MECOM: variants seen among roughly 807,000 people sequenced by gnomAD.
MECOM encodes MDS1 and EVI1 complex locus, also known as histone-lysine N-methyltransferase MECOM.
A neutral mutation model predicts 116.3 loss-of-function variants in MECOM; 13 were observed. That is an observed-to-expected ratio of 0.11 (90% CI 0.07 to 0.18). MECOM has a LOEUF of 0.18. MECOM is among the 10% of genes least tolerant of loss of function. The pLI is 1.00. For synonymous variants in MECOM, 528 were observed against 535.2 expected (o/e 0.99, Z 0.19); for missense variants, 1,299 against 1,509.0 (o/e 0.86, Z 2.31).
intron 1 of MECOM, among the ~76,000 whole-genome samples, chr3:169,513,303 T>C (rs1560377050): frequency 1.3e-5 from 2 of 152,242 alleles, no homozygotes; most frequent in Non-Finnish European, 2.9e-5. Context: ...CAGATGAATC[T>C]GCCCATCAAG....
intron 1 of MECOM, among the ~76,000 whole-genome samples, chr3:169,635,387 TAC>T (rs1266765081): frequency 6.6e-6 from 1 of 152,178 alleles, no homozygotes; most frequent in Admixed American, 6.5e-5. Context: ...CCGAGGTAAA[TAC>T]ACACACCCTG....
chr3:169,316,300 A>G (rs1719732598), intron 2 of MECOM, among the ~76,000 whole-genome samples: 1 of 152,246 alleles, frequency 6.6e-6, no homozygotes, highest in Admixed American at 6.5e-5. Flanking sequence ...CATCTTGTTA[A>G]AAGGTGGTGG....
chr3:169,433,469 AG>A (rs1314472454), intron 1 of MECOM, among the ~76,000 whole-genome samples: 1 of 151,982 alleles, frequency 6.6e-6, no homozygotes. Flanking sequence ...ACTCGAAAGA[AG>A]GAAAGAAAAG....
At chr3:169,453,870 G>A (rs979367399) in intron 1 of MECOM, among the ~76,000 whole-genome samples, 2 of 152,090 alleles carry the variant, frequency 1.3e-5, no homozygotes, top group African/African-American at 2.4e-5. Context: ...TAAAAAGCAT[G>A]CTTGTGGCAA....
intron 7 of MECOM, among the ~76,000 whole-genome samples, chr3:169,120,621 T>C (rs1730711217): frequency 6.6e-6 from 1 of 152,210 alleles, no homozygotes; most frequent in Non-Finnish European, 1.5e-5. Flanking sequence ...CACAGAGCCG[T>C]AAGCCTACTT....
Position 169,131,296 on chromosome 3 carries a change from GA to G in MECOM, c.613+132del, listed in dbSNP as rs1734605699. 4 of 762,438 alleles carry G rather than the reference GA, an allele frequency of 5.2e-6. No homozygotes were observed. In the South Asian group the frequency reaches 6.8e-5, roughly 13 times the overall value. The allele number at this position is 762,438 out of a possible 1,614,324, so 47.2% of individuals were successfully genotyped here. Reference sequence around the variant, plus strand: ...CAAACCAAGAAAATAGCTGCTTCAAGAGAAGGAACTTGTTGAAACTGACATT... The same window carrying G: ...CAAACCAAGAAAATAGCTGCTTCAAGGAAGGAACTTGTTGAAACTGACATT... On this transcript the variant is annotated intron_variant, in intron 4 of 16. Coordinates refer to ENST00000651503, the MANE Select transcript of MECOM (RefSeq NM_004991.4).
At chr3:169,209,862 C>A (rs1750481396) in intron 2 of MECOM, among the ~76,000 whole-genome samples, 1 of 152,032 alleles carries the variant, frequency 6.6e-6, no homozygotes, top group African/African-American at 2.4e-5. Flanking sequence ...GGATTTATAC[C>A]CAAAGAATAT....
intron 1 of MECOM, among the ~76,000 whole-genome samples, chr3:169,624,408 C>A (rs116555730): frequency 0.014 from 2,118 of 152,236 alleles, 41 homozygotes; most frequent in African/African-American, 0.049. Flanking sequence ...TATTGTGCAG[C>A]CTTCTAGAAT....
chr3:169,186,354 AAGG>A (rs1195848197), intron 2 of MECOM, among the ~76,000 whole-genome samples: 3 of 46,974 alleles, frequency 6.4e-5, no homozygotes, highest in African/African-American at 3.4e-4. Flanking sequence ...GGAAGGAAGG[AAGG>A]AAGGAAGGAA....
At chr3:169,109,146 C>T (rs1726460854) in intron 9 of MECOM, among the ~76,000 whole-genome samples, 1 of 152,194 alleles carries the variant, frequency 6.6e-6, no homozygotes, top group Non-Finnish European at 1.5e-5. Flanking sequence ...ACAGTAATAA[C>T]ATTCCCTGCA....
intron 1 of MECOM, among the ~76,000 whole-genome samples, chr3:169,502,164 T>G (rs763761694): frequency 1.3e-5 from 2 of 152,150 alleles, no homozygotes; most frequent in Non-Finnish European, 2.9e-5. Context: ...CACCTGTTAC[T>G]CACAGAACAT....
At chr3:169,451,562 A>G (rs973586176) in intron 1 of MECOM, among the ~76,000 whole-genome samples, 4 of 152,182 alleles carry the variant, frequency 2.6e-5, no homozygotes, top group Non-Finnish European at 4.4e-5. Context: ...TCAACTGTGG[A>G]AAAATGTCCC....
intron 1 of MECOM, among the ~76,000 whole-genome samples, chr3:169,532,594 C>T (rs546451497): frequency 5.3e-5 from 8 of 152,318 alleles, no homozygotes; most frequent in African/African-American, 1.9e-4. Flanking sequence ...CTTCTGGGAA[C>T]ATGCTGCCTT....
chr3:169,107,162 G>T (rs1180091600), intron 10 of MECOM, among the ~76,000 whole-genome samples: 1 of 152,086 alleles, frequency 6.6e-6, no homozygotes, highest in Admixed American at 6.6e-5. Flanking sequence ...TCAGAAATCA[G>T]CATAATTTTC....
intron 2 of MECOM, among the ~76,000 whole-genome samples, chr3:169,158,616 C>A (rs1742355621): frequency 6.6e-6 from 1 of 152,180 alleles, no homozygotes; most frequent in Non-Finnish European, 1.5e-5. Context: ...AAATATACCA[C>A]TTCCTCTGGT....
At chr3:169,623,358 T>C (rs1770978851) in intron 1 of MECOM, among the ~76,000 whole-genome samples, 1 of 152,218 alleles carries the variant, frequency 6.6e-6, no homozygotes, top group Non-Finnish European at 1.5e-5. Context: ...CACAATAATA[T>C]GATTAAGTAT....
chr3:169,661,091 C>A (rs763961414), intron 1 of MECOM, among the ~76,000 whole-genome samples: 1 of 152,074 alleles, frequency 6.6e-6, no homozygotes, highest in East Asian at 1.9e-4. Flanking sequence ...ACTGTGCGTG[C>A]GGGAATATTT....
intron 1 of MECOM, among the ~76,000 whole-genome samples, chr3:169,531,260 C>T (rs1576743253): frequency 6.6e-6 from 1 of 152,256 alleles, no homozygotes; most frequent in East Asian, 1.9e-4. Context: ...AATTTATCTG[C>T]CAAAGACACA....
chr3:169,169,819 G>A (rs1744138693), intron 2 of MECOM, among the ~76,000 whole-genome samples: 1 of 149,710 alleles, frequency 6.7e-6, no homozygotes, highest in African/African-American at 2.5e-5. Flanking sequence ...CTATATGAGA[G>A]CAGTTCTACA....
Sources: gnomAD v4.1 joint callset for allele counts (sites outside exome capture counted in the v4.1 genomes callset) on GRCh38, gnomAD v4.1.1 for gene constraint, MANE v1.5 for transcripts, NCBI Gene and HGNC (gene_info 2026-07-23, HGNC 2026-07-21) for gene names.